The following LIN54 variants were observed in gnomAD, a reference collection of about 807,000 sequenced individuals.
LIN54 encodes the protein lin-54 DREAM MuvB core complex component.
In LIN54, 9 loss-of-function variants were observed where a neutral mutation model predicts 78.7. The ratio of observed to expected loss-of-function variants is 0.11; its 90% CI spans 0.07 to 0.20. LIN54 has a LOEUF of 0.20. Ranked by LOEUF, LIN54 falls within the 10% of genes least tolerant of loss-of-function variation. The pLI, the probability that LIN54 is intolerant of heterozygous loss-of-function variation, is 1.00. For missense variants in LIN54, 573 were observed against 889.9 expected (o/e 0.64, Z 4.53); for synonymous variants, 269 against 318.4 (o/e 0.84, Z 1.65).
intron 1 of LIN54, among the ~76,000 whole-genome samples, chr4:82,986,730 A>G (rs1479917080): frequency 6.6e-6 from 1 of 150,460 alleles, no homozygotes; most frequent in Non-Finnish European, 1.5e-5. Context: ...AAAAAAAGAT[A>G]CAACACCCAT....
intron 11 of LIN54, among the ~76,000 whole-genome samples, chr4:82,934,321 G>A (rs765768175): frequency 3.3e-5 from 5 of 152,174 alleles, no homozygotes; most frequent in Non-Finnish European, 7.3e-5. Flanking sequence ...CAGGAGAATC[G>A]CTTGAACCCA....
At chr4:82,946,823 C>A (rs940523552) in intron 4 of LIN54, among the ~76,000 whole-genome samples, 1 of 151,924 alleles carries the variant, frequency 6.6e-6, no homozygotes, top group South Asian at 2.1e-4. Context: ...CAGAATTAAG[C>A]CCCATATTCA....
At chr4:82,983,962 C>T (rs948796899) in intron 2 of LIN54, among the ~76,000 whole-genome samples, 199 bp downstream of exon 2, 1 of 152,152 alleles carries the variant, frequency 6.6e-6, no homozygotes, top group African/African-American at 2.4e-5. Context: ...ATTAAGTTTG[C>T]TTTCTAAGTT....
chr4:82,992,986 C>T (rs1447652229), intron 1 of LIN54, among the ~76,000 whole-genome samples: 2 of 150,328 alleles, frequency 1.3e-5, no homozygotes, highest in African/African-American at 4.9e-5. Context: ...TGAGATCACG[C>T]CACTGCACTC....
chr4:82,984,542 T>A lies in LIN54; in HGVS notation c.303A>T (p.Lys101Asn), dbSNP rs777742391. ...VKPAFPSGLQ[K>N]LGAQTPVTIS... ...TAGTCACAGGAGTCTGAGCACCAAG[T>A]TTTTGAAGGCCACTTGGAAAAGCTG... Residue 101 changes from lysine (K) to asparagine (N), a missense_variant, in exon 2 of 13, where the codon AAA becomes AAT. Lys to Asn is a moderately conservative substitution (Grantham distance 94). Around this residue, in one of 6 missense-constraint regions of LIN54, gnomAD observed 183 missense variants for 228.4 expected, o/e 0.80. Coordinates refer to ENST00000340417, the MANE Select transcript of LIN54 (RefSeq NM_194282.4). The A allele has an allele frequency of 3.1e-6, 5 of 1,614,194 alleles. No homozygotes were observed. Among genetic ancestry groups the A allele is most frequent in the Non-Finnish European group, 4.2e-6 (5 of 1,180,032 alleles).
At chr4:82,935,266 A>ATATATATATTTATATATTTAT (rs1722305428) in intron 11 of LIN54, among the ~76,000 whole-genome samples, 2 of 148,002 alleles carry the variant, frequency 1.4e-5, no homozygotes, top group Non-Finnish European at 1.5e-5. Flanking sequence ...ATCCATATAT[A>ATATATATATTTATATATTTAT]TATATATATT....
chr4:82,993,038 A>AAC (rs1727871792), intron 1 of LIN54, among the ~76,000 whole-genome samples: 1 of 150,824 alleles, frequency 6.6e-6, no homozygotes, highest in Non-Finnish European at 1.5e-5. Context: ...AGAAAAAAAA[A>AAC]AAAAAAAAGA....
intron 12 of LIN54, 95 bp from the exon 13 acceptor site, chr4:82,928,398 T>G (rs1480052465): frequency 1.1e-6 from 1 of 936,460 alleles, no homozygotes; most frequent in East Asian, 2.5e-5. Context: ...ACTGACACTT[T>G]CACAATTCAC....
At chr4:82,944,053 T>C (rs1723162476) in intron 5 of LIN54, among the ~76,000 whole-genome samples, 1 of 151,808 alleles carries the variant, frequency 6.6e-6, no homozygotes, top group South Asian at 2.1e-4. Flanking sequence ...ATTTTTTCGG[T>C]AGAGACAGGG....
Position 82,927,943 on chromosome 4 carries a change from T to G in LIN54, c.*159A>C. On this transcript the variant is annotated 3_prime_UTR_variant, in exon 13 of 13. Transcript: ENST00000340417. ...AACTAAGATTTAAAATGTACTAATT[T>G]CCTCATTTAAAATTTCTTCTCCTTC... 1 of 621,762 alleles carries G rather than the reference T, an allele frequency of 1.6e-6. No individual in the cohort carries two copies. The highest frequency in any genetic ancestry group is 2.8e-6 in the Non-Finnish European group (1 of 351,980). 38.5% of individuals were successfully genotyped at this position (621,762 alleles called of 1,614,324 possible).
At chr4:83,006,166 T>C (rs562423988) in intron 1 of LIN54, among the ~76,000 whole-genome samples, 76 of 152,154 alleles carry the variant, frequency 5.0e-4, no homozygotes, top group African/African-American at 1.8e-3. Flanking sequence ...TGAAAAACTA[T>C]TGGCTGGGTG....
intron 1 of LIN54, among the ~76,000 whole-genome samples, chr4:82,996,304 C>G (rs953851386): frequency 3.3e-5 from 5 of 152,062 alleles, no homozygotes; most frequent in African/African-American, 1.2e-4. Flanking sequence ...GCTAAAAGAG[C>G]TGAGAAGCTT....
At chr4:83,005,717 G>A (rs542120757) in intron 1 of LIN54, among the ~76,000 whole-genome samples, 4 of 152,144 alleles carry the variant, frequency 2.6e-5, no homozygotes, top group Admixed American at 2.0e-4. Context: ...TAGTTCAGCT[G>A]TAGAAAGCAT....
At position 82,941,228 on chromosome 4, in the gene LIN54, G is replaced by C. The variant is rs1722859272; in HGVS notation, c.1169-1266C>G. Among the ~76,000 whole-genome samples the C allele has an allele frequency of 9.3e-5, 14 of 150,226 alleles. No individual in the cohort carries two copies. In the South Asian group the frequency reaches 3.0e-3, roughly 32 times the overall value. ...AAGCACACGGAGGACACAGTATTGA[G>C]ATGGGCCCCAATCAATAGGCTGGCC... On this transcript the variant is annotated intron_variant, in intron 5 of 12. Transcript: ENST00000340417.
At chr4:82,998,391 A>C (rs1728424061) in intron 1 of LIN54, among the ~76,000 whole-genome samples, 1 of 152,066 alleles carries the variant, frequency 6.6e-6, no homozygotes, top group African/African-American at 2.4e-5. Context: ...AAAACTACAA[A>C]AATTAGCCGG....
intron 4 of LIN54, among the ~76,000 whole-genome samples, chr4:82,953,690 C>G (rs1560739788): frequency 6.6e-6 from 1 of 152,212 alleles, no homozygotes; most frequent in Non-Finnish European, 1.5e-5. Flanking sequence ...TGGCTCACAT[C>G]TGTAATCCCA....
chr4:82,946,659 AAT>A (rs1465962516), intron 4 of LIN54, among the ~76,000 whole-genome samples, 185 bp from the exon 5 acceptor site: 7 of 152,232 alleles, frequency 4.6e-5, no homozygotes, highest in Admixed American at 1.3e-4. Flanking sequence ...AACCAAAATT[AAT>A]GAGTTCTACC....
intron 2 of LIN54, among the ~76,000 whole-genome samples, chr4:82,979,939 CAAAAAAAAAAAA>C (rs70943176): frequency 1.4e-4 from 7 of 49,872 alleles, no homozygotes; most frequent in Non-Finnish European, 1.8e-4. Flanking sequence ...GACTCTGTCT[CAAAAAAAAAAAA>C]AAAAAAAAAA....
intron 4 of LIN54, among the ~76,000 whole-genome samples, chr4:82,960,194 G>T (rs1263569039): frequency 6.6e-6 from 1 of 151,916 alleles, no homozygotes; most frequent in Non-Finnish European, 1.5e-5. Context: ...AGACAGTCTT[G>T]CTCTGTCATC....
Sources: gnomAD v4.1 joint callset for allele counts (sites outside exome capture counted in the v4.1 genomes callset) on GRCh38, gnomAD v4.1.1 for gene constraint, gnomAD v4.1.1 regional missense constraint, MANE v1.5 for transcripts, NCBI Gene and HGNC (gene_info 2026-07-23, HGNC 2026-07-21) for gene names.